Variants in MRPL13 observed in about 807,000 individuals in gnomAD.
MRPL13 encodes the protein mitochondrial ribosomal protein L13, also known as large ribosomal subunit protein uL13m.
Under a neutral mutation model 29.0 loss-of-function variants are expected in MRPL13, and 33 were observed. The observed-to-expected ratio is 1.14, with a 90% CI of 0.86 to 1.52. The LOEUF (loss-of-function observed/expected upper bound fraction) is 1.52, where lower values mean the gene tolerates loss of function less well. Among genes scored for constraint, MRPL13 ranks in the 40% most tolerant of loss-of-function variants. The pLI is 0.00. For synonymous variants in MRPL13, 77 were observed against 68.4 expected, an observed-to-expected ratio of 1.13 and a Z score of -0.62; for missense variants, 227 against 216.7, an observed-to-expected ratio of 1.05 and a Z score of -0.30.
chr8:120,401,626 C>A (rs1363323081), intron 6 of MRPL13, among the ~76,000 whole-genome samples: 1 of 152,090 alleles, frequency 6.6e-6, no homozygotes, highest in East Asian at 1.9e-4. Context: ...CACCCCTGTT[C>A]AACACAGTAC....
intron 6 of MRPL13, among the ~76,000 whole-genome samples, chr8:120,403,512 C>A (rs1256964160): frequency 6.6e-6 from 1 of 151,910 alleles, no homozygotes; most frequent in African/African-American, 2.4e-5. Context: ...GGAGGGAGAC[C>A]GTCAGGAAGA....
intron 6 of MRPL13, among the ~76,000 whole-genome samples, chr8:120,410,764 TC>T (rs1473489358): frequency 2.0e-5 from 3 of 151,106 alleles, no homozygotes; most frequent in Non-Finnish European, 4.4e-5. Context: ...CCTCCATCCC[TC>T]CCTCCTTCCT....
At position 120,441,598 on chromosome 8, in the gene MRPL13, AAAG is replaced by A. The variant is rs140640185; in HGVS notation, c.151+1584_151+1586del. 1.1e-4 allele frequency among the ~76,000 whole-genome samples: 16 copies of A among 152,352 alleles called. No homozygotes were observed. The East Asian group carries it at 2.9e-3, about 28-fold the overall frequency. On this transcript the variant is annotated intron_variant, in intron 2 of 6. Coordinates refer to ENST00000306185, the MANE Select transcript of MRPL13 (RefSeq NM_014078.6). ...TCAAAAGGTTAATGAGAAGAAAATA[AAAG>A]AAGGATTATTCTAGATTAAGAGATT...
chr8:120,414,217 T>C, intron 5 of MRPL13, 105 bp from the exon 6 acceptor site: 4 of 879,488 alleles, frequency 4.5e-6, no homozygotes, highest in South Asian at 4.6e-5. Flanking sequence ...AGAATGCTCG[T>C]AGAATAAGGA....
At chr8:120,431,724 AACAGCAGTAAGATGAATTAC>A (rs1382400225) in intron 3 of MRPL13, among the ~76,000 whole-genome samples, 1 of 152,166 alleles carries the variant, frequency 6.6e-6, no homozygotes, top group Non-Finnish European at 1.5e-5. Context: ...TGGTTCTGAA[AACAGCAGTAAGATGAATTAC>A]AGGAAGCAGA....
intron 3 of MRPL13, among the ~76,000 whole-genome samples, chr8:120,427,846 CA>C (rs957204603): frequency 8.6e-5 from 13 of 151,962 alleles, no homozygotes; most frequent in African/African-American, 2.7e-4. Context: ...ATGACACAGA[CA>C]AACGGAAAAA....
At chr8:120,421,965 A>G (rs1287250631) in intron 4 of MRPL13, among the ~76,000 whole-genome samples, 5 of 151,756 alleles carry the variant, frequency 3.3e-5, no homozygotes, top group Non-Finnish European at 7.4e-5. Flanking sequence ...AAGCATATTA[A>G]TATTCAAAAT....
intron 6 of MRPL13, among the ~76,000 whole-genome samples, chr8:120,401,578 C>A (rs528591973): frequency 1.1e-4 from 16 of 152,266 alleles, no homozygotes; most frequent in African/African-American, 3.4e-4. Context: ...AAGCATTACC[C>A]TTGAAAACCA....
intron 5 of MRPL13, chr8:120,415,575 A>G (rs1384555754): frequency 6.6e-6 from 1 of 152,194 alleles, no homozygotes; most frequent in Non-Finnish European, 1.5e-5. Flanking sequence ...ATTTTAGGCA[A>G]TTTAAATGAA....
intron 4 of MRPL13, 99 bp downstream of exon 4, chr8:120,425,207 G>A: frequency 1.2e-6 from 1 of 863,212 alleles, no homozygotes; most frequent in Non-Finnish European, 1.8e-6. Flanking sequence ...TTATATCCTT[G>A]AATGCTAACT....
chr8:120,428,148 C>A (rs77125238), intron 3 of MRPL13, among the ~76,000 whole-genome samples: 3,168 of 85,932 alleles, frequency 0.037, 92 homozygotes, highest in Middle Eastern at 0.082. Flanking sequence ...AAAAAAAAAA[C>A]CAGACACATA....
At chr8:120,400,725 TAAATAAATAAATAAATA>T (rs1325787423) in intron 6 of MRPL13, among the ~76,000 whole-genome samples, 2 of 134,742 alleles carry the variant, frequency 1.5e-5, no homozygotes, top group African/African-American at 6.2e-5. Context: ...AATAAATAAA[TAAATAAATAAATAAATA>T]AAAAAAATAG....
intron 6 of MRPL13, among the ~76,000 whole-genome samples, chr8:120,409,712 A>G (rs1812720440): frequency 6.6e-6 from 1 of 152,220 alleles, no homozygotes; most frequent in Non-Finnish European, 1.5e-5. Context: ...TATGTAAAAT[A>G]TACTAATACA....
chr8:120,444,134 T>C (rs1304457480), intron 1 of MRPL13, among the ~76,000 whole-genome samples: 1 of 152,056 alleles, frequency 6.6e-6, no homozygotes, highest in Non-Finnish European at 1.5e-5. Flanking sequence ...TGTAGACTAA[T>C]AGTTTGATAC....
intron 3 of MRPL13, among the ~76,000 whole-genome samples, chr8:120,427,895 A>T (rs962609484): frequency 6.6e-6 from 1 of 152,170 alleles, no homozygotes; most frequent in African/African-American, 2.4e-5. Context: ...CAGTATTGTT[A>T]AAATGGCCAT....
intron 6 of MRPL13, 140 bp from the exon 7 acceptor site, chr8:120,396,265 G>T: frequency 1.6e-6 from 1 of 610,012 alleles, no homozygotes; most frequent in Non-Finnish European, 2.8e-6. Context: ...AATTTTTGGT[G>T]AAAAAAAAAC....
chr8:120,404,757 A>G (rs1210428659), intron 6 of MRPL13, among the ~76,000 whole-genome samples: 4 of 152,232 alleles, frequency 2.6e-5, no homozygotes, highest in African/African-American at 7.2e-5. Context: ...GACAAAACTT[A>G]GGCTCAGAGT....
chr8:120,439,652 A>C (rs1283047658), intron 2 of MRPL13, among the ~76,000 whole-genome samples: 2 of 152,224 alleles, frequency 1.3e-5, no homozygotes, highest in African/African-American at 4.8e-5. Context: ...GCAAGCATCT[A>C]TTATGGGCCA....
chr8:120,418,527 G>A (rs1383789378), intron 5 of MRPL13, among the ~76,000 whole-genome samples: 4 of 151,970 alleles, frequency 2.6e-5, no homozygotes, highest in African/African-American at 7.2e-5. Context: ...TTGATAAAAT[G>A]TACTGTCAAG....
Sources: gnomAD v4.1 joint callset for allele counts (sites outside exome capture counted in the v4.1 genomes callset) on GRCh38, gnomAD v4.1.1 for gene constraint, MANE v1.5 for transcripts, NCBI Gene and HGNC (gene_info 2026-07-23, HGNC 2026-07-21) for gene names.